Variants in OXCT1 observed in about 807,000 individuals in gnomAD.
OXCT1 encodes succinyl-CoA:3-ketoacid coenzyme A transferase 1, mitochondrial.
A neutral mutation model predicts 69.6 loss-of-function variants in OXCT1; 27 were observed. The observed-to-expected ratio is 0.39, with a 90% CI of 0.29 to 0.54. The LOEUF is 0.54. Among genes scored for constraint, OXCT1 ranks in the 20% least tolerant of loss-of-function variants. The pLI is 0.72. For synonymous variants in OXCT1, 202 were observed against 217.8 expected, an observed-to-expected ratio of 0.93 and a Z score of 0.64; for missense variants, 437 against 650.2, an observed-to-expected ratio of 0.67 and a Z score of 3.57.
chr5:41,731,242 AG>A lies in OXCT1; in HGVS notation c.*486del, dbSNP rs370172639. 1 of 312,112 alleles carries A rather than the reference AG, an allele frequency of 3.2e-6. No homozygotes were observed. The highest frequency in any genetic ancestry group is 5.7e-5 in the Admixed American group (1 of 17,616). The allele number at this position is 312,112 out of a possible 1,614,324, so 19.3% of individuals were successfully genotyped here. On this transcript the variant is annotated 3_prime_UTR_variant, in exon 17 of 17. Transcript: ENST00000196371. ...AGTATGGGAGGAAGGGGGATGTTCT[AG>A]GGGGACAAGATGTAATCATAAAATC...
chr5:41,861,706 T>C (rs1269747389), intron 2 of OXCT1, among the ~76,000 whole-genome samples: 2 of 152,236 alleles, frequency 1.3e-5, no homozygotes, highest in African/African-American at 4.8e-5. Flanking sequence ...ATTGTTTTCC[T>C]GCTTTGTAAA....
intron 14 of OXCT1, among the ~76,000 whole-genome samples, chr5:41,757,100 C>A (rs1393438040): frequency 1.3e-5 from 2 of 151,870 alleles, no homozygotes; most frequent in Non-Finnish European, 2.9e-5. Flanking sequence ...GGTTTTTGAG[C>A]CAACAAAGAA....
Position 41,731,672 on chromosome 5 carries a change from A to G in OXCT1, c.*57T>C. ...AATTATGATTATTGATGTCCTTTCA[A>G]TTAAATCTTGTGTGTTTAAAATGAA... On this transcript the variant is annotated 3_prime_UTR_variant, in exon 17 of 17. Transcript: ENST00000196371. 2 of 1,567,186 alleles carry G rather than the reference A, an allele frequency of 1.3e-6. No individual in the cohort carries two copies. The highest frequency in any genetic ancestry group is 1.7e-6 in the Non-Finnish European group (2 of 1,153,918).
chr5:41,751,809 T>C (rs1743800053), intron 14 of OXCT1, among the ~76,000 whole-genome samples: 1 of 152,120 alleles, frequency 6.6e-6, no homozygotes, highest in Admixed American at 6.6e-5. Context: ...GCAAACCATA[T>C]GGCTCTCCTA....
chr5:41,749,650 AT>A, intron 14 of OXCT1, 43 bp from the exon 15 acceptor site: 2 of 1,215,866 alleles, frequency 1.6e-6, no homozygotes, highest in Non-Finnish European at 2.4e-6. Flanking sequence ...TTAGGGAGCA[AT>A]TTTTATTTAG....
intron 9 of OXCT1, among the ~76,000 whole-genome samples, 191 bp downstream of exon 9, chr5:41,805,376 A>G (rs919789710): frequency 2.0e-5 from 3 of 151,876 alleles, no homozygotes; most frequent in Non-Finnish European, 4.4e-5. Context: ...AGGCAAAGAG[A>G]TATCTGTCAT....
chr5:41,863,486 C>T (rs1484785837), intron 1 of OXCT1, among the ~76,000 whole-genome samples: 2 of 152,156 alleles, frequency 1.3e-5, no homozygotes, highest in Non-Finnish European at 2.9e-5. Flanking sequence ...ACCACCATTT[C>T]ACCTTTCTGT....
At chr5:41,766,751 C>T (rs180777052) in intron 13 of OXCT1, among the ~76,000 whole-genome samples, 67 of 152,194 alleles carry the variant, frequency 4.4e-4, no homozygotes, top group Non-Finnish European at 2.2e-4. Context: ...ATCATTAGTA[C>T]ATAAACAGTA....
At chr5:41,765,003 C>T (rs1047707339) in intron 13 of OXCT1, among the ~76,000 whole-genome samples, 1 of 152,096 alleles carries the variant, frequency 6.6e-6, no homozygotes, top group Admixed American at 6.6e-5. Flanking sequence ...TGTTTCCCTC[C>T]ATTTCAATTC....
chr5:41,749,678 GGATAA>G (rs2112047806), intron 14 of OXCT1, 71 bp from the exon 15 acceptor site: 1 of 908,818 alleles, frequency 1.1e-6, no homozygotes, highest in Non-Finnish European at 1.8e-6. Flanking sequence ...CATAACTATA[GGATAA>G]ACAGAAACTA....
intron 13 of OXCT1, among the ~76,000 whole-genome samples, chr5:41,765,451 A>G (rs151253561): frequency 1.5e-4 from 23 of 152,296 alleles, no homozygotes; most frequent in Non-Finnish European, 3.4e-4. Flanking sequence ...ATTCAAAATG[A>G]GTAAAAAAAT....
chr5:41,733,526 C>T (rs973607125), intron 16 of OXCT1, among the ~76,000 whole-genome samples: 6 of 152,268 alleles, frequency 3.9e-5, no homozygotes, highest in East Asian at 1.9e-4. Context: ...GGATTACAGG[C>T]GTAAGCCACC....
chr5:41,827,460 A>T (rs905366088), intron 7 of OXCT1, among the ~76,000 whole-genome samples: 1 of 152,230 alleles, frequency 6.6e-6, no homozygotes, highest in African/African-American at 2.4e-5. Flanking sequence ...TGATTAGAGG[A>T]TCCGATGAGA....
At chr5:41,839,947 G>C (rs2112397635) in intron 7 of OXCT1, among the ~76,000 whole-genome samples, 1 of 152,264 alleles carries the variant, frequency 6.6e-6, no homozygotes, top group East Asian at 1.9e-4. Context: ...GCCTGGAAAG[G>C]CTGCAGAATT....
chr5:41,868,234 T>G (rs1750092401), intron 1 of OXCT1, among the ~76,000 whole-genome samples: 1 of 152,256 alleles, frequency 6.6e-6, no homozygotes, highest in African/African-American at 2.4e-5. Context: ...TCTGTTTGCC[T>G]GGAGGGTTCT....
intron 1 of OXCT1, among the ~76,000 whole-genome samples, chr5:41,863,783 C>G (rs1749845620): frequency 6.6e-6 from 1 of 152,176 alleles, no homozygotes; most frequent in African/African-American, 2.4e-5. Flanking sequence ...GTAAACCCAC[C>G]ATGTGTCAAG....
chr5:41,830,479 G>A (rs1037294403), intron 7 of OXCT1, among the ~76,000 whole-genome samples: 1 of 152,170 alleles, frequency 6.6e-6, no homozygotes, highest in African/African-American at 2.4e-5. Context: ...GCTTTAACCA[G>A]GTAAATTCTA....
At chr5:41,764,358 G>A (rs530598627) in intron 13 of OXCT1, among the ~76,000 whole-genome samples, 14 of 152,224 alleles carry the variant, frequency 9.2e-5, no homozygotes, top group South Asian at 8.3e-4. Flanking sequence ...GTATGCAAAC[G>A]TGTAATAAAT....
chr5:41,869,701 G>A (rs530384711), intron 1 of OXCT1, among the ~76,000 whole-genome samples: 1 of 152,148 alleles, frequency 6.6e-6, no homozygotes, highest in Non-Finnish European at 1.5e-5. Flanking sequence ...TCCAGTCTAC[G>A]GGGCAGCAGA....
Sources: gnomAD v4.1 joint callset for allele counts (sites outside exome capture counted in the v4.1 genomes callset) on GRCh38, gnomAD v4.1.1 for gene constraint, MANE v1.5 for transcripts, NCBI Gene and HGNC (gene_info 2026-07-23, HGNC 2026-07-21) for gene names.